CALN1: variants seen among roughly 807,000 people sequenced by gnomAD.
The protein encoded by CALN1 is calneuron 1.
CALN1 carries 17 observed loss-of-function variants against 30.6 expected under a neutral mutation model. That is an observed-to-expected ratio of 0.56 (90% CI 0.38 to 0.83). The LOEUF (loss-of-function observed/expected upper bound fraction) is 0.83. CALN1 is among the 40% of genes least tolerant of loss of function. The pLI, the probability that CALN1 is intolerant of heterozygous loss-of-function variation, is 0.00. For synonymous variants in CALN1, 156 were observed against 131.4 expected (o/e 1.19, Z -1.28); for missense variants, 291 against 354.9 (o/e 0.82, Z 1.45).
chr7:72,140,555 G>A (rs1809851898), intron 3 of CALN1, among the ~76,000 whole-genome samples: 1 of 152,236 alleles, frequency 6.6e-6, no homozygotes, highest in Admixed American at 6.5e-5. Context: ...AGGAAGACAA[G>A]GGCAGAAGCC....
intron 2 of CALN1, among the ~76,000 whole-genome samples, chr7:72,314,738 C>T (rs570700466): frequency 1.7e-4 from 25 of 150,362 alleles, no homozygotes; most frequent in Middle Eastern, 6.8e-3. Flanking sequence ...TTTAAAAGAA[C>T]GCAGAGGTAA....
chr7:71,790,347 A>G (rs60996324), intron 6 of CALN1, among the ~76,000 whole-genome samples: 10,840 of 115,524 alleles, frequency 0.094, 821 homozygotes, highest in East Asian at 0.32. Context: ...AGAAAGAAAG[A>G]AAAGAAAGAA....
chr7:72,131,185 A>G (rs1008450103), intron 3 of CALN1, among the ~76,000 whole-genome samples: 11 of 152,200 alleles, frequency 7.2e-5, no homozygotes, highest in African/African-American at 2.4e-4. Flanking sequence ...GATAAGTACT[A>G]TAATATCCAT....
chr7:72,464,444 C>T, the CALN1 span, among the ~76,000 whole-genome samples: 1 of 152,142 alleles, frequency 6.6e-6, no homozygotes, highest in Admixed American at 6.5e-5. Context: ...ATTCATATTC[C>T]AATGGTGACC....
intron 3 of CALN1, among the ~76,000 whole-genome samples, chr7:72,205,518 T>C (rs1339499727): frequency 8.9e-6 from 1 of 111,962 alleles, no homozygotes; most frequent in Non-Finnish European, 1.7e-5. Context: ...CCAATTTTTG[T>C]CAGAAGTATT....
At chr7:72,217,091 A>G (rs1016769044) in intron 3 of CALN1, among the ~76,000 whole-genome samples, 1 of 152,140 alleles carries the variant, frequency 6.6e-6, no homozygotes, top group Non-Finnish European at 1.5e-5. Flanking sequence ...GAGGCAATAG[A>G]GAAAATACAA....
At chr7:72,229,668 C>A (rs753055911) in intron 3 of CALN1, among the ~76,000 whole-genome samples, 8 of 151,850 alleles carry the variant, frequency 5.3e-5, no homozygotes, top group Non-Finnish European at 1.0e-4. Flanking sequence ...CATTCTCAGC[C>A]AACTAACACA....
intron 3 of CALN1, among the ~76,000 whole-genome samples, chr7:72,235,623 C>T (rs770739986): frequency 1.3e-5 from 2 of 152,166 alleles, no homozygotes; most frequent in South Asian, 2.1e-4. Context: ...AATTCCACTC[C>T]GGGGACCTGG....
chr7:71,985,743 C>T (rs60847803), intron 5 of CALN1, among the ~76,000 whole-genome samples: 5,208 of 151,856 alleles, frequency 0.034, 213 homozygotes, highest in African/African-American at 0.1. Flanking sequence ...GTGCACACTA[C>T]TATGCCCTGC....
rs528217178 is a variant in CALN1, at chr7:71,786,762, T to C, written c.*1013A>G. Reference sequence around the variant, plus strand: ...CTTAACTTACAAAGGTCATCCGGCATAGAGACGTGGTGGGTCTCCATGACT... The same window carrying C: ...CTTAACTTACAAAGGTCATCCGGCACAGAGACGTGGTGGGTCTCCATGACT... On this transcript the variant is annotated 3_prime_UTR_variant, in exon 7 of 7. Transcript: ENST00000395275. The C allele has an allele frequency of 6.6e-6, 1 of 152,274 alleles. No homozygotes were observed. The highest frequency in any genetic ancestry group is 6.5e-5 in the Admixed American group (1 of 15,288). 9.4% of individuals were successfully genotyped at this position (152,274 alleles called of 1,614,324 possible).
At chr7:72,058,310 C>T (rs1368243800) in intron 4 of CALN1, among the ~76,000 whole-genome samples, 140 of 70,728 alleles carry the variant, frequency 2.0e-3, no homozygotes, top group Non-Finnish European at 2.4e-3. Context: ...AAGCTGGAAT[C>T]TTTTTTTTTT....
intron 5 of CALN1, among the ~76,000 whole-genome samples, chr7:71,898,014 G>GAGAGAGA (rs1562882185): frequency 3.8e-5 from 3 of 79,574 alleles, no homozygotes; most frequent in African/African-American, 1.9e-4. Flanking sequence ...GGAGGGAGGG[G>GAGAGAGA]GGGGGAGAGA....
chr7:72,005,389 C>T (rs1371246256), intron 5 of CALN1, among the ~76,000 whole-genome samples: 1 of 152,106 alleles, frequency 6.6e-6, no homozygotes, highest in Non-Finnish European at 1.5e-5. Flanking sequence ...AGTTCAGTGG[C>T]GTGATCACGG....
At chr7:72,158,151 T>C (rs1787842893) in intron 3 of CALN1, among the ~76,000 whole-genome samples, 1 of 152,232 alleles carries the variant, frequency 6.6e-6, no homozygotes, top group Non-Finnish European at 1.5e-5. Context: ...GGCTCTGCTC[T>C]AGGGGATAAA....
At chr7:72,121,577 G>A (rs912663563) in intron 3 of CALN1, among the ~76,000 whole-genome samples, 11 of 148,644 alleles carry the variant, frequency 7.4e-5, no homozygotes, top group African/African-American at 2.7e-4. Context: ...CTCTTTAGAG[G>A]AAATACAATA....
At chr7:72,407,126 G>A (rs1196535551) in intron 1 of CALN1, among the ~76,000 whole-genome samples, 1 of 152,216 alleles carries the variant, frequency 6.6e-6, no homozygotes, top group African/African-American at 2.4e-5. Flanking sequence ...GAATGGTGAA[G>A]TAATATTGTT....
intron 3 of CALN1, among the ~76,000 whole-genome samples, chr7:72,195,247 T>C (rs113717518): frequency 0.038 from 5,785 of 152,302 alleles, 347 homozygotes; most frequent in African/African-American, 0.13. Flanking sequence ...TTGATGTCCC[T>C]GCCAGATAGA....
intron 2 of CALN1, among the ~76,000 whole-genome samples, chr7:72,390,009 C>T (rs753582179): frequency 5.9e-5 from 9 of 151,862 alleles, no homozygotes; most frequent in Non-Finnish European, 2.9e-5. Flanking sequence ...ATATTATTCC[C>T]ATGGCTTACT....
At chr7:71,791,808 G>C (rs1786567550) in intron 6 of CALN1, among the ~76,000 whole-genome samples, 1 of 152,186 alleles carries the variant, frequency 6.6e-6, no homozygotes, top group Non-Finnish European at 1.5e-5. Context: ...AGGAGATCGA[G>C]ACCATCCTGG....
Sources: gnomAD v4.1 joint callset for allele counts (sites outside exome capture counted in the v4.1 genomes callset) on GRCh38, gnomAD v4.1.1 for gene constraint, MANE v1.5 for transcripts, NCBI Gene and HGNC (gene_info 2026-07-23, HGNC 2026-07-21) for gene names.